MDGA2: variants seen among roughly 807,000 people sequenced by gnomAD.
MDGA2 encodes MAM domain containing glycosylphosphatidylinositol anchor 2, also known as MAM domain-containing glycosylphosphatidylinositol anchor protein 2.
In MDGA2, 40 loss-of-function variants were observed where a neutral mutation model predicts 117.8. The observed-to-expected ratio is 0.34, with a 90% CI of 0.26 to 0.44. MDGA2 has a LOEUF of 0.44. MDGA2 is among the 20% of genes least tolerant of loss of function. The pLI, the probability that MDGA2 is intolerant of heterozygous loss-of-function variation, is 1.00. For missense variants in MDGA2, 1,123 were observed against 1,250.6 expected (o/e 0.90, Z 1.54); for synonymous variants, 452 against 439.0 (o/e 1.03, Z -0.37).
intron 4 of MDGA2, among the ~76,000 whole-genome samples, chr14:47,135,757 C>T (rs556799584): frequency 6.6e-6 from 1 of 152,120 alleles, no homozygotes; most frequent in African/African-American, 2.4e-5. Flanking sequence ...TTATTCCTCA[C>T]ATAAACTCTT....
intron 1 of MDGA2, among the ~76,000 whole-genome samples, chr14:47,361,839 A>G (rs1231135239): frequency 6.6e-6 from 1 of 152,172 alleles, no homozygotes; most frequent in Non-Finnish European, 1.5e-5. Flanking sequence ...AATTAGAATC[A>G]TATAAGGATA....
intron 1 of MDGA2, among the ~76,000 whole-genome samples, chr14:47,514,120 C>T (rs896912874): frequency 3.3e-5 from 5 of 152,114 alleles, no homozygotes; most frequent in South Asian, 4.1e-4. Flanking sequence ...CCTTGACAGC[C>T]TTTTACTGTT....
intron 6 of MDGA2, among the ~76,000 whole-genome samples, chr14:47,094,197 G>A (rs1879830690): frequency 6.6e-6 from 1 of 151,902 alleles, no homozygotes; most frequent in Non-Finnish European, 1.5e-5. Context: ...TTGATTTTAT[G>A]AATTATGTGA....
chr14:46,991,404 T>G (rs1370909003), intron 8 of MDGA2, among the ~76,000 whole-genome samples: 2 of 152,152 alleles, frequency 1.3e-5, no homozygotes, highest in Non-Finnish European at 2.9e-5. Context: ...AAGAGAACAC[T>G]TATTAAAGAG....
chr14:47,472,750 C>T (rs1223787837), intron 1 of MDGA2, among the ~76,000 whole-genome samples: 6 of 152,012 alleles, frequency 3.9e-5, no homozygotes, highest in Non-Finnish European at 7.4e-5. Context: ...GAGAGGGCTC[C>T]TTCTTTTACC....
At chr14:47,078,150 T>C (rs1030364291) in intron 6 of MDGA2, among the ~76,000 whole-genome samples, 1 of 152,120 alleles carries the variant, frequency 6.6e-6, no homozygotes, top group Non-Finnish European at 1.5e-5. Context: ...CCACAATGTC[T>C]GAATTACATC....
intron 1 of MDGA2, among the ~76,000 whole-genome samples, chr14:47,617,540 C>T (rs1361248795): frequency 6.6e-6 from 1 of 152,132 alleles, no homozygotes; most frequent in African/African-American, 2.4e-5. Context: ...GGTGAGCTTG[C>T]ATGCTGCTGT....
chr14:47,530,037 T>C (rs555675216), intron 1 of MDGA2, among the ~76,000 whole-genome samples: 7 of 152,272 alleles, frequency 4.6e-5, no homozygotes, highest in African/African-American at 1.7e-4. Context: ...GAGCCAACAG[T>C]GCATGATGTG....
chr14:47,174,818 T>C (rs927318424), intron 3 of MDGA2, among the ~76,000 whole-genome samples: 10 of 151,266 alleles, frequency 6.6e-5, no homozygotes, highest in Non-Finnish European at 5.9e-5. Context: ...CTGAAGGAAA[T>C]AGAGACACAA....
chr14:47,201,705 A>T (rs1172937127), intron 3 of MDGA2, among the ~76,000 whole-genome samples: 3 of 152,160 alleles, frequency 2.0e-5, no homozygotes, highest in African/African-American at 7.2e-5. Flanking sequence ...AGCCTACTTT[A>T]TCTGTTTTTC....
chr14:46,927,017 TCTAA>T (rs1384206871), intron 9 of MDGA2, among the ~76,000 whole-genome samples: 6 of 152,272 alleles, frequency 3.9e-5, no homozygotes, highest in East Asian at 1.9e-4. Flanking sequence ...CACTAGCGTC[TCTAA>T]CTGAGAGGGA....
At chr14:47,401,267 C>G (rs1311509876) in intron 1 of MDGA2, among the ~76,000 whole-genome samples, 1 of 151,964 alleles carries the variant, frequency 6.6e-6, no homozygotes, top group Non-Finnish European at 1.5e-5. Flanking sequence ...AAAAATAGAA[C>G]GGAATTCCAG....
chr14:47,349,062 T>C (rs1050908963), intron 1 of MDGA2, among the ~76,000 whole-genome samples: 1 of 152,154 alleles, frequency 6.6e-6, no homozygotes, highest in Non-Finnish European at 1.5e-5. Flanking sequence ...GTAAAGAAAA[T>C]AAACAGTTGA....
At chr14:47,535,196 A>T (rs945214579) in intron 1 of MDGA2, among the ~76,000 whole-genome samples, 1 of 152,200 alleles carries the variant, frequency 6.6e-6, no homozygotes, top group South Asian at 2.1e-4. Context: ...TATATCACTT[A>T]CACAATTTCT....
chr14:47,278,129 G>A (rs893931013), intron 2 of MDGA2, among the ~76,000 whole-genome samples: 2 of 151,844 alleles, frequency 1.3e-5, no homozygotes, highest in South Asian at 2.1e-4. Context: ...GAATGATGAA[G>A]AGTCAAGATA....
At chr14:47,427,081 A>T (rs1295691958) in intron 1 of MDGA2, among the ~76,000 whole-genome samples, 1 of 152,182 alleles carries the variant, frequency 6.6e-6, no homozygotes. Context: ...CTAAATTGAC[A>T]GTGTTTAAAT....
At chr14:47,020,570 AAG>A (rs1237077462) in intron 8 of MDGA2, among the ~76,000 whole-genome samples, 1 of 144,924 alleles carries the variant, frequency 6.9e-6, no homozygotes, top group Non-Finnish European at 1.5e-5. Flanking sequence ...TGTGTATGGA[AAG>A]AGAGAGGAAG....
chr14:47,289,408 C>A (rs906802709), intron 2 of MDGA2, among the ~76,000 whole-genome samples: 1 of 150,462 alleles, frequency 6.6e-6, no homozygotes, highest in African/African-American at 2.5e-5. Flanking sequence ...ATTTGATTAT[C>A]ATTTCATGAT....
chr14:47,404,126 T>A (rs534667943), intron 1 of MDGA2, among the ~76,000 whole-genome samples: 4 of 152,156 alleles, frequency 2.6e-5, no homozygotes, highest in African/African-American at 4.8e-5. Flanking sequence ...TATTTTGTTA[T>A]AGAGAGTCAT....
Sources: allele counts gnomAD v4.1 joint callset (sites outside exome capture counted in the v4.1 genomes callset), GRCh38; gene constraint gnomAD v4.1.1; transcripts MANE v1.5; gene names NCBI Gene and HGNC (gene_info 2026-07-23, HGNC 2026-07-21).